The following IYD variants were observed in gnomAD, a reference collection of about 807,000 sequenced individuals.
IYD encodes the protein iodotyrosine deiodinase 1.
Under a neutral mutation model 28.4 loss-of-function variants are expected in IYD, and 25 were observed. That is an observed-to-expected ratio of 0.88 (90% CI 0.64 to 1.23). IYD has a LOEUF of 1.23. Ranked by LOEUF, IYD falls within the 50% of genes most tolerant of loss-of-function variation. The pLI, the probability that IYD is intolerant of heterozygous loss-of-function variation, is 0.00. For missense variants in IYD, 352 were observed against 357.9 expected (o/e 0.98, Z 0.13); for synonymous variants, 140 against 130.8 (o/e 1.07, Z -0.48).
chr6:150,405,583 A>C lies in IYD; in HGVS notation c.*7346A>C, dbSNP rs1468563096. On this transcript the variant is annotated 3_prime_UTR_variant, in exon 5 of 5. Transcript: ENST00000344419. Reference sequence around the variant, plus strand: ...GAAAAGCAAACATGCCCTTCTTCACATGGTGACAGGAAGCAGAAGAATGAC... The same window carrying C: ...GAAAAGCAAACATGCCCTTCTTCACCTGGTGACAGGAAGCAGAAGAATGAC... 1 of 152,186 alleles carries C rather than the reference A, an allele frequency of 6.6e-6. No homozygotes were observed. The highest frequency in any genetic ancestry group is 2.1e-4 in the South Asian group (1 of 4,822). 9.4% of individuals were successfully genotyped at this position (152,186 alleles called of 1,614,324 possible).
chr6:150,390,916 C>T (rs1034756562), intron 2 of IYD, among the ~76,000 whole-genome samples: 6 of 152,106 alleles, frequency 3.9e-5, no homozygotes, highest in Non-Finnish European at 8.8e-5. Context: ...TGACACATGG[C>T]CGTGCGTATT....
At chr6:150,395,556 A>G in intron 4 of IYD, 1 of 1,537,258 alleles carries the variant, frequency 6.5e-7, no homozygotes, top group Non-Finnish European at 8.7e-7. Flanking sequence ...TCAGCTCACA[A>G]GGCTGCCCAG....
At chr6:150,397,286 T>C (rs1376315711) in intron 4 of IYD, among the ~76,000 whole-genome samples, 1 of 152,044 alleles carries the variant, frequency 6.6e-6, no homozygotes, top group Non-Finnish European at 1.5e-5. Flanking sequence ...GCAGGAAAAT[T>C]GGCCAGGTAT....
At chr6:150,374,998 A>G (rs1218798170) in intron 1 of IYD, among the ~76,000 whole-genome samples, 1 of 152,132 alleles carries the variant, frequency 6.6e-6, no homozygotes, top group African/African-American at 2.4e-5. Context: ...CACTGGCTTT[A>G]GGAAAGCACT....
At chr6:150,389,693 C>A in intron 2 of IYD, 150 bp downstream of exon 2, 1 of 712,818 alleles carries the variant, frequency 1.4e-6, no homozygotes, top group Non-Finnish European at 2.5e-6. Flanking sequence ...TGAGTGAGTG[C>A]CAGAAACACA....
At chr6:150,374,703 A>G (rs571403395) in intron 1 of IYD, among the ~76,000 whole-genome samples, 13 of 152,360 alleles carry the variant, frequency 8.5e-5, no homozygotes, top group Admixed American at 7.8e-4. Flanking sequence ...TATGGGAGCT[A>G]CAATTCAAGA....
chr6:150,391,687 T>C (rs1778124746), intron 2 of IYD, among the ~76,000 whole-genome samples: 1 of 152,120 alleles, frequency 6.6e-6, no homozygotes, highest in African/African-American at 2.4e-5. Context: ...TCTAACTTCA[T>C]TTTGAGCAAG....
chr6:150,384,510 C>T (rs1453345622), intron 1 of IYD: 3 of 152,164 alleles, frequency 2.0e-5, no homozygotes, highest in Admixed American at 1.3e-4. Context: ...AACTCAGCAA[C>T]AACTGGAAGC....
At chr6:150,377,330 T>C (rs1295718068) in intron 1 of IYD, among the ~76,000 whole-genome samples, 1 of 152,198 alleles carries the variant, frequency 6.6e-6, no homozygotes, top group Non-Finnish European at 1.5e-5. Flanking sequence ...TGCCTCTGGC[T>C]GAGGGCCACA....
intron 1 of IYD, among the ~76,000 whole-genome samples, chr6:150,370,982 G>A (rs536992705): frequency 1.3e-4 from 20 of 152,294 alleles, no homozygotes; most frequent in African/African-American, 4.6e-4. Context: ...ACTGACTGGA[G>A]AGTCACCAGT....
rs185713768 is a variant in IYD, at chr6:150,396,613, G to C, written c.688-1442G>C. 5.3e-4 allele frequency: 283 copies of C among 531,778 alleles called. 1 individual carries two copies. Among genetic ancestry groups the C allele is most frequent in the African/African-American group, 4.9e-3 (246 of 50,062 alleles). The allele number at this position is 531,778 out of a possible 1,614,324, so 32.9% of individuals were successfully genotyped here. On this transcript the variant is annotated intron_variant, in intron 4 of 4. Transcript: ENST00000344419. The stretch of plus-strand genomic sequence containing the variant: ...GACTTGGCCAGGTGCGGTGGCTCAC[G>C]CCTCTAATCCCAGCACTTTGGGAGG...
chr6:150,394,646 G>A (rs982405271), intron 4 of IYD, among the ~76,000 whole-genome samples: 16 of 152,164 alleles, frequency 1.1e-4, no homozygotes, highest in African/African-American at 3.1e-4. Flanking sequence ...TCTTCATAGA[G>A]GCCCTTTTCT....
At chr6:150,378,423 T>C (rs1055875768) in intron 1 of IYD, among the ~76,000 whole-genome samples, 7 of 151,332 alleles carry the variant, frequency 4.6e-5, no homozygotes, top group Non-Finnish European at 1.0e-4. Context: ...AGTGAGAACA[T>C]GCGGTGTTTG....
chr6:150,396,767 G>A lies in IYD; in HGVS notation c.688-1288G>A, dbSNP rs572705615. On this transcript the variant is annotated intron_variant, in intron 4 of 4. Transcript: ENST00000344419. ...CGGGCGCCTGTAGTCCCAGCTACTC[G>A]GGAGGCTGAGGCAGGAGAATGGCGT... The A allele has an allele frequency of 1.4e-3, 293 of 205,022 alleles. 1 individual carries two copies. Among genetic ancestry groups the A allele is most frequent in the African/African-American group, 6.2e-3 (264 of 42,920 alleles). 12.7% of individuals were successfully genotyped at this position (205,022 alleles called of 1,614,324 possible).
Position 150,398,104 on chromosome 6 carries a change from G to C in IYD, c.737G>C (p.Arg246Pro), listed in dbSNP as rs73619510. Residue 246 changes from arginine to proline, a missense_variant, in exon 5 of 5, where the codon CGA (arginine) becomes CCA (proline). By Grantham distance (103) the Arg-to-Pro change is moderately radical. Coordinates refer to ENST00000344419, the MANE Select transcript of IYD (RefSeq NM_203395.3). ...ACCACTCCTCTCAACTGTGGCCCTCGACTGAGGGTGCTCCTGGGCCGCCCC... is the reference window on the plus strand; with the variant it reads ...ACCACTCCTCTCAACTGTGGCCCTCCACTGAGGGTGCTCCTGGGCCGCCCC... The part of the protein sequence containing the change: ...VTTTPLNCGP[R>P]LRVLLGRPAH... The C allele has an allele frequency of 1.1e-5, 18 of 1,614,004 alleles. No individual in the cohort carries two copies. The highest frequency in any genetic ancestry group is 1.4e-5 in the Non-Finnish European group (17 of 1,180,028).
chr6:150,396,556 T>G (rs1290660806), intron 4 of IYD: 4 of 670,318 alleles, frequency 6.0e-6, no homozygotes, highest in Non-Finnish European at 1.1e-5. Context: ...GACACTAAAT[T>G]AAGGTGTAAA....
At chr6:150,397,888 G>C (rs1039685735) in intron 4 of IYD, among the ~76,000 whole-genome samples, 167 bp from the exon 5 acceptor site, 2 of 152,078 alleles carry the variant, frequency 1.3e-5, no homozygotes, top group African/African-American at 2.4e-5. Context: ...GATGGGGGCA[G>C]GGAGGTTCAC....
intron 1 of IYD, among the ~76,000 whole-genome samples, chr6:150,385,350 T>C (rs9384472): frequency 0.15 from 22,964 of 151,948 alleles, 3,415 homozygotes; most frequent in African/African-American, 0.37. Context: ...TGTGGTGGGG[T>C]TTTTCCCCCC....
intron 1 of IYD, among the ~76,000 whole-genome samples, chr6:150,371,756 G>A (rs993414449): frequency 2.6e-5 from 4 of 152,200 alleles, no homozygotes; most frequent in African/African-American, 7.2e-5. Context: ...CCTGAGTGTG[G>A]TGTCCACAGA....
Sources: gnomAD v4.1 joint callset for allele counts (sites outside exome capture counted in the v4.1 genomes callset) on GRCh38, gnomAD v4.1.1 for gene constraint, MANE v1.5 for transcripts, NCBI Gene and HGNC (gene_info 2026-07-23, HGNC 2026-07-21) for gene names.